EIF1AY: variants seen among roughly 807,000 people sequenced by gnomAD.
EIF1AY encodes the protein eukaryotic translation initiation factor 1A, Y-chromosomal.
For missense variants in EIF1AY, 19 were observed against 30.6 expected (o/e 0.62, Z 0.89); for synonymous variants, 16 against 9.9 (o/e 1.62, Z -1.16).
chrY:20,581,958 T>G (rs1394317721), intron 2 of EIF1AY, among the ~76,000 whole-genome samples: 1 of 33,804 alleles, frequency 3.0e-5, no homozygotes. Context: ...GTTACTTGAC[T>G]TAGTCTTTTA....
At chrY:20,581,140 C>T (rs2089350352) in intron 2 of EIF1AY, among the ~76,000 whole-genome samples, 2 of 33,720 alleles carry the variant, frequency 5.9e-5, no homozygotes, top group African/African-American at 1.2e-4. Context: ...TGGCAAAAGA[C>T]GTTTATTTAG....
At chrY:20,579,748 A>G in intron 2 of EIF1AY, 57 bp downstream of exon 2, 4 of 201,000 alleles carry the variant, frequency 2.0e-5, no homozygotes, top group Non-Finnish European at 3.2e-5. Flanking sequence ...TGCTGTTAAT[A>G]TAAATTTCAG....
In EIF1AY at chrY:20,588,103, A is replaced by G; in HGVS notation, c.335A>G (p.His112Arg). 4 of 369,041 alleles carry G rather than the reference A, an allele frequency of 1.1e-5. No homozygotes were observed. Among genetic ancestry groups the G allele is most frequent in the Admixed American group, 1.6e-4 (2 of 12,322 alleles). The allele number at this position is 369,041 out of a possible 400,897, so 92.1% of individuals were successfully genotyped here. A position where few individuals can be genotyped will look rare whatever the true frequency, so the allele number is the denominator to read the frequency against. ...AAGGCATATGGCGAGCTTCCAGAAC[A>G]TGGTAAGATCAAAATGATTTTATCT... is the stretch of plus-strand genomic sequence containing the variant. ...SLKAYGELPEHAKINETDTFG... is the reference protein window; with the variant it reads ...SLKAYGELPERAKINETDTFG... Residue 112 changes from histidine (H) to arginine (R), a missense_variant and splice_region_variant, in exon 5 of 7, where the codon CAT becomes CGT. His to Arg is a conservative substitution (Grantham distance 29). Coordinates refer to ENST00000361365, the MANE Select transcript of EIF1AY (RefSeq NM_004681.4).
intron 2 of EIF1AY, 89 bp from the exon 3 acceptor site, chrY:20,582,501 A>G: frequency 4.4e-6 from 1 of 227,524 alleles, no homozygotes; most frequent in South Asian, 3.5e-5. Context: ...ATGAGCCACC[A>G]TGCCTGGCCC....
intron 2 of EIF1AY, among the ~76,000 whole-genome samples, chrY:20,581,548 T>C: frequency 3.1e-5 from 1 of 32,767 alleles, no homozygotes; most frequent in South Asian, 7.1e-4. Flanking sequence ...GCCAGGCTGG[T>C]CTCGAACTCC....
At chrY:20,589,733 T>C in intron 6 of EIF1AY, among the ~76,000 whole-genome samples, 158 bp downstream of exon 6, 2 of 34,029 alleles carry the variant, frequency 5.9e-5, no homozygotes, top group Non-Finnish European at 1.5e-4. Flanking sequence ...GAGATAGTTT[T>C]GAGAACACGT....
chrY:20,581,477 G>A, intron 2 of EIF1AY, among the ~76,000 whole-genome samples: 1 of 32,174 alleles, frequency 3.1e-5, no homozygotes, highest in Non-Finnish European at 7.6e-5. Flanking sequence ...GATTAGAGGT[G>A]TGTGACACCA....
rs13447443 is a variant in EIF1AY at position 20,577,415 on chromosome Y, A to G, written c.16+1528A>G. On this transcript the variant is annotated intron_variant, in intron 1 of 6. Coordinates refer to ENST00000361365, the MANE Select transcript of EIF1AY (RefSeq NM_004681.4). ...ATGCCTAGCCTCATTCCTCTAAAAT[A>G]TAATTTAAAGTGGATTCTGTTACAT... Among the ~76,000 whole-genome samples the G allele has an allele frequency of 7.0e-3, 237 of 33,647 alleles. No individual in the cohort carries two copies. The East Asian group carries it at 0.17, about 24-fold the overall frequency. The allele number at this position is 33,647 out of a possible 37,273, so 90.3% of individuals were successfully genotyped here.
At position 20,592,434 on chromosome Y, in the gene EIF1AY, C is replaced by A; in HGVS notation, c.*88C>A. 2 of 176,029 alleles carry A rather than the reference C, an allele frequency of 1.1e-5. No homozygotes were observed. The highest frequency in any genetic ancestry group is 1.9e-5 in the Non-Finnish European group (2 of 105,516). 43.9% of individuals were successfully genotyped at this position (176,029 alleles called of 400,897 possible). A position where few individuals can be genotyped will look rare whatever the true frequency, so the allele number is the denominator to read the frequency against. The stretch of plus-strand genomic sequence containing the variant: ...CCATCATCAACCAAGAAGAGAAATT[C>A]ATTTAGTGTGTAGTTTCTGAAAGCA... On this transcript the variant is annotated 3_prime_UTR_variant, in exon 7 of 7. Coordinates refer to ENST00000361365, the MANE Select transcript of EIF1AY (RefSeq NM_004681.4).
At chrY:20,580,800 A>C (rs2089350101) in intron 2 of EIF1AY, among the ~76,000 whole-genome samples, 3 of 33,936 alleles carry the variant, frequency 8.8e-5, no homozygotes, top group Non-Finnish European at 1.5e-4. Flanking sequence ...CAACATATTT[A>C]ACTTTAATGT....
intron 6 of EIF1AY, among the ~76,000 whole-genome samples, chrY:20,591,257 G>A: frequency 6.1e-5 from 2 of 32,755 alleles, no homozygotes; most frequent in African/African-American, 1.2e-4. Flanking sequence ...ACACAGCCTC[G>A]GGAAGCCCTG....
chrY:20,589,148 A>G (rs2089356901), intron 5 of EIF1AY: 2 of 44,014 alleles, frequency 4.5e-5, no homozygotes, highest in Non-Finnish European at 1.0e-4. Flanking sequence ...TGAAAAATAC[A>G]GCACAATACA....
chrY:20,587,571 A>C (rs2124357577), intron 4 of EIF1AY: 1 of 34,710 alleles, frequency 2.9e-5, no homozygotes, highest in African/African-American at 1.1e-4. Context: ...TACAGGCGCG[A>C]GCCACCGTGC....
Position 20,575,870 on chromosome Y carries a change from C to A in EIF1AY, c.-2C>A, listed in dbSNP as rs376992333. ...AGGTCTCACGAGGCTGTCATCACCG[C>A]CATGCCCAAGAATAAAGGTACTGCT... On this transcript the variant is annotated 5_prime_UTR_variant, in exon 1 of 7. Coordinates refer to ENST00000361365, the MANE Select transcript of EIF1AY (RefSeq NM_004681.4). The A allele has an allele frequency of 1.1e-4, 42 of 383,900 alleles. No individual in the cohort carries two copies. Among genetic ancestry groups the A allele is most frequent in the Non-Finnish European group, 1.4e-4 (40 of 275,939 alleles).
chrY:20,576,783 A>G (rs2124356410), intron 1 of EIF1AY, among the ~76,000 whole-genome samples: 1 of 33,638 alleles, frequency 3.0e-5, no homozygotes, highest in South Asian at 6.5e-4. Context: ...GGCAGCATGG[A>G]ATCTGTTTCA....
At chrY:20,588,165 G>A in intron 5 of EIF1AY, 60 bp downstream of exon 5, 1 of 230,473 alleles carries the variant, frequency 4.3e-6, no homozygotes, top group South Asian at 4.3e-5. Flanking sequence ...TGGTATTTAG[G>A]TGAAGGTATT....
Position 20,589,470 on chromosome Y carries a change from T to C in EIF1AY, c.338-14T>C. 1 of 393,018 alleles carries C rather than the reference T, an allele frequency of 2.5e-6. No homozygotes were observed. On this transcript the variant is annotated splice_polypyrimidine_tract_variant and intron_variant, in intron 5 of 6. Coordinates refer to ENST00000361365, the MANE Select transcript of EIF1AY (RefSeq NM_004681.4). ...CAGGTTATATAATCAGTATGTCTGT[T>C]ATTTTACCTTTAGCTAAAATCAATG...
intron 1 of EIF1AY, 45 bp downstream of exon 1, chrY:20,575,932 A>G: frequency 2.8e-6 from 1 of 358,585 alleles, no homozygotes; most frequent in Non-Finnish European, 3.9e-6. Context: ...TTGCTCTGCC[A>G]GTAACCCCGA....
intron 5 of EIF1AY, 132 bp from the exon 6 acceptor site, chrY:20,589,352 T>C: frequency 6.3e-6 from 1 of 157,829 alleles, no homozygotes; most frequent in Non-Finnish European, 1.2e-5. Flanking sequence ...TTATTTTTAG[T>C]AGAGACCAGA....
Sources: gnomAD v4.1 joint callset for allele counts (sites outside exome capture counted in the v4.1 genomes callset) on GRCh38, gnomAD v4.1.1 for gene constraint, MANE v1.5 for transcripts, NCBI Gene and HGNC (gene_info 2026-07-23, HGNC 2026-07-21) for gene names.